Variants in C1orf198 observed in about 807,000 individuals in gnomAD.
The protein encoded by C1orf198 is uncharacterized protein C1orf198.
C1orf198 carries 17 observed loss-of-function variants against 31.4 expected under a neutral mutation model. That is an observed-to-expected ratio of 0.54 (90% CI 0.37 to 0.81). C1orf198 has a LOEUF of 0.81. Ranked by LOEUF, C1orf198 falls within the 40% of genes least tolerant of loss-of-function variation. C1orf198 has a pLI of 0.00. For missense variants in C1orf198, 401 were observed against 450.3 expected (o/e 0.89, Z 0.99); for synonymous variants, 175 against 193.8 (o/e 0.90, Z 0.81).
At position 230,839,853 on chromosome 1, in the gene C1orf198, T is replaced by C. The variant is rs1206884810; in HGVS notation, c.983A>G (p.Ter328=). The stretch of plus-strand genomic sequence containing the variant: ...TTCATTGTATTTTTCTAATACATTT[T>C]ACCAATTGTCCAGAAAATCAAATCC... ...KTGFDFLDNW[*] The change falls in exon 4 of 4, where the codon TAA becomes TGA. Residue 328 remains the stop codon, a stop_retained_variant. Transcript: ENST00000366663. 4 of 1,611,814 alleles carry C rather than the reference T, an allele frequency of 2.5e-6. No homozygotes were observed. The highest frequency in any genetic ancestry group is 3.3e-4 in the Middle Eastern group (2 of 5,972).
chr1:230,852,113 G>GAA (rs1193538797), intron 2 of C1orf198, among the ~76,000 whole-genome samples: 2 of 152,220 alleles, frequency 1.3e-5, no homozygotes, highest in Non-Finnish European at 2.9e-5. Context: ...AGAAGGGCAT[G>GAA]AGGTTACATC....
chr1:230,862,967 T>A (rs547935569), intron 1 of C1orf198, among the ~76,000 whole-genome samples: 1 of 152,354 alleles, frequency 6.6e-6, no homozygotes, highest in East Asian at 1.9e-4. Context: ...TCAATTTTGC[T>A]GTGAATCTAA....
Position 230,850,382 on chromosome 1 carries a change from G to A in C1orf198, c.384+5286C>T, listed in dbSNP as rs563558523. On this transcript the variant is annotated intron_variant, in intron 2 of 3. Transcript: ENST00000366663. Reference sequence around the variant, plus strand: ...AGGGTGCTCAGCACAGACCCGGCACGTGGTGAGATTCCTGATTGGGACAAC... The same window carrying A: ...AGGGTGCTCAGCACAGACCCGGCACATGGTGAGATTCCTGATTGGGACAAC... 2.6e-5 allele frequency among the ~76,000 whole-genome samples: 4 copies of A among 152,360 alleles called. No individual in the cohort carries two copies. In the South Asian group the frequency reaches 8.3e-4, roughly 32 times the overall value.
chr1:230,850,249 G>A (rs1358725407), intron 2 of C1orf198, among the ~76,000 whole-genome samples: 2 of 152,218 alleles, frequency 1.3e-5, no homozygotes, highest in Admixed American at 6.5e-5. Context: ...TAGGGCTTAA[G>A]AGCCCAGCAC....
intron 2 of C1orf198, among the ~76,000 whole-genome samples, chr1:230,854,261 G>C (rs1256747812): frequency 6.6e-6 from 1 of 152,036 alleles, no homozygotes; most frequent in Non-Finnish European, 1.5e-5. Context: ...GAATCTATCT[G>C]GCTATTACCA....
Position 230,857,098 on chromosome 1 carries a change from G to A in C1orf198, c.334-1380C>T, listed in dbSNP as rs1338604099. ...CCGAGTGTGCGTTCTCTGTGCAGAC[G>A]CCTCCTAACATGAACAGCCAGTGGG... is the stretch of plus-strand genomic sequence containing the variant. On this transcript the variant is annotated intron_variant, in intron 1 of 3. Transcript: ENST00000366663. The surrounding 1 kb of genome is among the most constrained non-coding windows in gnomAD (Gnocchi z 4.2). Among the ~76,000 whole-genome samples the A allele has an allele frequency of 6.6e-6, 1 of 152,162 alleles. No individual in the cohort carries two copies. The highest frequency in any genetic ancestry group is 1.5e-5 in the Non-Finnish European group (1 of 68,038).
chr1:230,844,460 C>T (rs562656939), intron 2 of C1orf198, among the ~76,000 whole-genome samples: 1 of 152,266 alleles, frequency 6.6e-6, no homozygotes, highest in Non-Finnish European at 1.5e-5. Flanking sequence ...CCCGCAGAAC[C>T]GTGAGCCAAT....
rs1669902807 is a variant in C1orf198 at position 230,857,515 on chromosome 1, T to A, written c.334-1797A>T. 6.6e-6 allele frequency among the ~76,000 whole-genome samples: 1 copy of A among 152,238 alleles called. No homozygotes were observed. The highest frequency in any genetic ancestry group is 1.9e-4 in the East Asian group (1 of 5,178). Reference sequence around the variant, plus strand: ...TGGCCCCAGGAGGAAGAGCCAGCCATCAACAGGGTAGAGATCTGGTTCTGT... The same window carrying A: ...TGGCCCCAGGAGGAAGAGCCAGCCAACAACAGGGTAGAGATCTGGTTCTGT... On this transcript the variant is annotated intron_variant, in intron 1 of 3. Transcript: ENST00000366663. This position sits in a 1 kb window ranked among gnomAD's most constrained non-coding sequence, Gnocchi z 4.2.
chr1:230,848,985 T>C (rs1669663182), intron 2 of C1orf198, among the ~76,000 whole-genome samples: 1 of 152,214 alleles, frequency 6.6e-6, no homozygotes, highest in South Asian at 2.1e-4. Context: ...TACTGGTATG[T>C]GTGCACACAG....
chr1:230,868,535 G>A (rs758367815), upstream of C1orf198: 5 of 1,268,414 alleles, frequency 3.9e-6, no homozygotes, highest in African/African-American at 6.3e-5. Flanking sequence ...CGCCGCTCCC[G>A]GCCCGCGCCC....
intron 1 of C1orf198, among the ~76,000 whole-genome samples, chr1:230,859,356 AC>A (rs376991070): frequency 1.3e-4 from 19 of 151,590 alleles, no homozygotes; most frequent in African/African-American, 4.6e-4. Flanking sequence ...AGGCTTTCCC[AC>A]CCCCCTCTCT....
intron 2 of C1orf198, among the ~76,000 whole-genome samples, chr1:230,848,032 C>T (rs6681746): frequency 0.097 from 14,703 of 152,096 alleles, 2,068 homozygotes; most frequent in African/African-American, 0.31. Flanking sequence ...GCTTCAGGGG[C>T]GCTGCGGAAG....
chr1:230,839,567 G>A lies in C1orf198; in HGVS notation c.*285C>T, dbSNP rs529686048. 17 of 326,132 alleles carry A rather than the reference G, an allele frequency of 5.2e-5. No individual in the cohort carries two copies. In the South Asian group the frequency reaches 6.2e-4, roughly 12 times the overall value. The allele number at this position is 326,132 out of a possible 1,614,324, so 20.2% of individuals were successfully genotyped here. On this transcript the variant is annotated 3_prime_UTR_variant, in exon 4 of 4. Coordinates refer to ENST00000366663, the MANE Select transcript of C1orf198 (RefSeq NM_032800.3). The stretch of plus-strand genomic sequence containing the variant: ...CTTTGAGGAGGGGGAAAGTTGGGTG[G>A]AGCTGGGAACAGAAGTTTTATTTAC...
chr1:230,851,714 C>T (rs1669750344), intron 2 of C1orf198, among the ~76,000 whole-genome samples: 1 of 152,304 alleles, frequency 6.6e-6, no homozygotes, highest in Admixed American at 6.5e-5. Flanking sequence ...AACAGAGGCA[C>T]CACAGCCACG....
chr1:230,842,172 T>C (rs1274189762), intron 3 of C1orf198, among the ~76,000 whole-genome samples: 2 of 152,170 alleles, frequency 1.3e-5, no homozygotes, highest in Non-Finnish European at 2.9e-5. Flanking sequence ...TCCAGAGCTT[T>C]AGTTCTGCAG....
chr1:230,838,003 C>A lies in C1orf198; in HGVS notation c.*1849G>T, dbSNP rs964263261. On this transcript the variant is annotated 3_prime_UTR_variant, in exon 4 of 4. Coordinates refer to ENST00000366663, the MANE Select transcript of C1orf198 (RefSeq NM_032800.3). The surrounding 1 kb of genome is among the most constrained non-coding windows in gnomAD (Gnocchi z 4.2). ...ACACAGGTCTTTCTTCTGTGCTACA[C>A]CAACACTACAGAATACAAACTCATA... 2 of 152,244 alleles carry A rather than the reference C, an allele frequency of 1.3e-5. No individual in the cohort carries two copies. Among genetic ancestry groups the A allele is most frequent in the African/African-American group, 4.8e-5 (2 of 41,462 alleles). The allele number at this position is 152,244 out of a possible 1,614,324, so 9.4% of individuals were successfully genotyped here.
chr1:230,854,221 A>C (rs1393612129), intron 2 of C1orf198, among the ~76,000 whole-genome samples: 2 of 152,098 alleles, frequency 1.3e-5, no homozygotes, highest in African/African-American at 4.8e-5. Flanking sequence ...GGGTCACCAT[A>C]CCCAAGGCTG....
chr1:230,866,975 T>G (rs1164652573), intron 1 of C1orf198, among the ~76,000 whole-genome samples: 2 of 152,182 alleles, frequency 1.3e-5, no homozygotes, highest in Non-Finnish European at 2.9e-5. Context: ...CACTTTTCCC[T>G]CACATTAAAG....
chr1:230,867,761 A>G (rs1670154446), intron 1 of C1orf198, among the ~76,000 whole-genome samples: 1 of 152,142 alleles, frequency 6.6e-6, no homozygotes, highest in Non-Finnish European at 1.5e-5. Context: ...CGTTTTACAC[A>G]GTGGAAACTG....
Sources: gnomAD v4.1 joint callset for allele counts (sites outside exome capture counted in the v4.1 genomes callset) on GRCh38, gnomAD v4.1.1 for gene constraint, Gnocchi (gnomAD v3.1) non-coding constraint, MANE v1.5 for transcripts, NCBI Gene and HGNC (gene_info 2026-07-23, HGNC 2026-07-21) for gene names.